The following DOCK3 variants were observed in gnomAD, a reference collection of about 807,000 sequenced individuals.
DOCK3 encodes the protein dedicator of cytokinesis protein 3.
DOCK3 carries 60 observed loss-of-function variants against 265.6 expected under a neutral mutation model. That is an observed-to-expected ratio of 0.23 (90% CI 0.18 to 0.28). The LOEUF (loss-of-function observed/expected upper bound fraction) is 0.28. DOCK3 is among the 10% of genes least tolerant of loss of function. The pLI, the probability that DOCK3 is intolerant of heterozygous loss-of-function variation, is 1.00. For missense variants in DOCK3, 1,981 were observed against 2,594.3 expected, an observed-to-expected ratio of 0.76 and a Z score of 5.14; for synonymous variants, 881 against 938.0, an observed-to-expected ratio of 0.94 and a Z score of 1.11.
intron 13 of DOCK3, among the ~76,000 whole-genome samples, chr3:51,209,128 A>G (rs1482598381): frequency 6.6e-6 from 1 of 152,210 alleles, no homozygotes; most frequent in African/African-American, 2.4e-5. Context: ...AGAGTGAGCA[A>G]AAATGTTGCA....
At chr3:50,754,157 CAA>C (rs71084110) in intron 1 of DOCK3, among the ~76,000 whole-genome samples, 2 of 61,576 alleles carry the variant, frequency 3.2e-5, no homozygotes, top group African/African-American at 7.6e-5. Context: ...GACTCTGTCT[CAA>C]AAAAAAAAAA....
chr3:50,839,392 G>C (rs182270735), intron 2 of DOCK3, among the ~76,000 whole-genome samples: 26 of 152,252 alleles, frequency 1.7e-4, no homozygotes, highest in African/African-American at 5.8e-4. Context: ...AATATGTTTA[G>C]TTTTGTTAGA....
intron 5 of DOCK3, among the ~76,000 whole-genome samples, chr3:50,989,639 A>G (rs2078035340): frequency 6.6e-6 from 1 of 151,858 alleles, no homozygotes; most frequent in Non-Finnish European, 1.5e-5. Flanking sequence ...AACATCCAGA[A>G]AAGTCTATTG....
chr3:51,305,545 A>G (rs894769381), intron 27 of DOCK3, among the ~76,000 whole-genome samples: 5 of 152,116 alleles, frequency 3.3e-5, no homozygotes, highest in African/African-American at 1.2e-4. Context: ...TAATTCATTT[A>G]TGTTTACTGT....
At chr3:51,301,029 G>A (rs1468525771) in intron 27 of DOCK3, among the ~76,000 whole-genome samples, 1 of 152,124 alleles carries the variant, frequency 6.6e-6, no homozygotes, top group Non-Finnish European at 1.5e-5. Flanking sequence ...AATCCATCTG[G>A]TCCTGGGCTT....
chr3:51,329,987 A>G (rs1181539129), intron 32 of DOCK3, 151 bp from the exon 33 acceptor site: 3 of 720,558 alleles, frequency 4.2e-6, no homozygotes, highest in African/African-American at 3.6e-5. Context: ...TCTTGGTGCT[A>G]TAGGTAAAAT....
chr3:51,070,449 C>A (rs2081814007), intron 6 of DOCK3, among the ~76,000 whole-genome samples: 1 of 152,132 alleles, frequency 6.6e-6, no homozygotes, highest in Non-Finnish European at 1.5e-5. Context: ...TAGTTAACCT[C>A]AGTGGGCCTC....
intron 9 of DOCK3, among the ~76,000 whole-genome samples, chr3:51,128,856 C>T (rs2084384750): frequency 6.6e-6 from 1 of 152,200 alleles, no homozygotes; most frequent in Non-Finnish European, 1.5e-5. Flanking sequence ...ACCATGGCCA[C>T]CTCGTTCATG....
intron 3 of DOCK3, among the ~76,000 whole-genome samples, chr3:50,865,887 ATT>A (rs1485102687): frequency 3.3e-5 from 5 of 152,036 alleles, no homozygotes; most frequent in Admixed American, 6.5e-5. Flanking sequence ...TTTGGTTTGT[ATT>A]TCTCTGATGA....
intron 1 of DOCK3, among the ~76,000 whole-genome samples, chr3:50,772,958 C>T (rs565453853): frequency 1.3e-5 from 2 of 151,846 alleles, no homozygotes; most frequent in South Asian, 4.2e-4. Flanking sequence ...AGTATGGAAC[C>T]ACAAAAGACC....
At chr3:50,703,306 C>A (rs778742034) in intron 1 of DOCK3, among the ~76,000 whole-genome samples, 1 of 151,692 alleles carries the variant, frequency 6.6e-6, no homozygotes, top group Non-Finnish European at 1.5e-5. Context: ...GTAGTTTTCT[C>A]TTTTTTTTCT....
chr3:50,960,552 G>T (rs1575615513), intron 5 of DOCK3, among the ~76,000 whole-genome samples: 1 of 151,910 alleles, frequency 6.6e-6, no homozygotes, highest in East Asian at 1.9e-4. Context: ...TAGGTTGTTT[G>T]TCTTAGTTAT....
chr3:51,154,202 A>G (rs1039184976), intron 10 of DOCK3, among the ~76,000 whole-genome samples: 4 of 152,356 alleles, frequency 2.6e-5, no homozygotes, highest in African/African-American at 9.6e-5. Context: ...ATCAGAAACC[A>G]CTTTCACAGG....
At chr3:50,970,900 T>C (rs2077189677) in intron 5 of DOCK3, among the ~76,000 whole-genome samples, 1 of 27,946 alleles carries the variant, frequency 3.6e-5, no homozygotes, top group Admixed American at 3.7e-4. Context: ...TTTATATATA[T>C]ATATATATAT....
chr3:50,905,946 T>A, intron 4 of DOCK3, among the ~76,000 whole-genome samples: 1 of 152,078 alleles, frequency 6.6e-6, no homozygotes. Flanking sequence ...CATCAATACC[T>A]AATTTATTGA....
intron 5 of DOCK3, among the ~76,000 whole-genome samples, chr3:51,016,800 T>TAC: frequency 9.9e-5 from 3 of 30,262 alleles, no homozygotes; most frequent in African/African-American, 3.6e-4. Flanking sequence ...ATATATATGA[T>TAC]ATATGTTTAT....
intron 12 of DOCK3, among the ~76,000 whole-genome samples, chr3:51,176,685 A>G (rs1325590742): frequency 6.6e-6 from 1 of 152,194 alleles, no homozygotes; most frequent in Non-Finnish European, 1.5e-5. Flanking sequence ...AAGGTCTGCT[A>G]CCTTCAACTT....
chr3:51,024,617 C>G (rs2079738246), intron 5 of DOCK3, among the ~76,000 whole-genome samples: 1 of 152,200 alleles, frequency 6.6e-6, no homozygotes, highest in Non-Finnish European at 1.5e-5. Context: ...CTGTTCAGAT[C>G]AGACAGGCAC....
chr3:51,082,073 T>C (rs943943057), intron 7 of DOCK3, among the ~76,000 whole-genome samples: 1 of 151,650 alleles, frequency 6.6e-6, no homozygotes, highest in Non-Finnish European at 1.5e-5. Flanking sequence ...TTCAGAGTCA[T>C]GGAAGGAGAG....
Sources: allele counts gnomAD v4.1 joint callset (sites outside exome capture counted in the v4.1 genomes callset), GRCh38; gene constraint gnomAD v4.1.1; transcripts MANE v1.5; gene names NCBI Gene and HGNC (gene_info 2026-07-23, HGNC 2026-07-21).